The following GMDS variants were observed in gnomAD, a reference collection of about 807,000 sequenced individuals.
GMDS encodes the protein GDP-mannose 4,6-dehydratase, also known as GDP-mannose 4,6 dehydratase.
Under a neutral mutation model 49.9 loss-of-function variants are expected in GMDS, and 20 were observed. The observed-to-expected ratio is 0.40, with a 90% CI of 0.28 to 0.58. GMDS has a LOEUF of 0.58. Among genes scored for constraint, GMDS ranks in the 20% least tolerant of loss-of-function variants. GMDS has a pLI of 0.42. For missense variants in GMDS, 362 were observed against 481.4 expected (o/e 0.75, Z 2.32); for synonymous variants, 177 against 178.6 (o/e 0.99, Z 0.07).
chr6:2,152,300 A>T (rs951656030), intron 1 of GMDS, among the ~76,000 whole-genome samples: 1 of 152,206 alleles, frequency 6.6e-6, no homozygotes, highest in Non-Finnish European at 1.5e-5. Flanking sequence ...AAAAACGTAG[A>T]ATTTGTTACT....
chr6:2,129,617 G>A (rs1015028025), intron 1 of GMDS, among the ~76,000 whole-genome samples: 2 of 152,128 alleles, frequency 1.3e-5, no homozygotes, highest in African/African-American at 2.4e-5. Flanking sequence ...GAAAGCACTC[G>A]TTTGCACTGC....
chr6:2,019,979 C>A (rs182360839), intron 4 of GMDS, among the ~76,000 whole-genome samples: 1 of 152,232 alleles, frequency 6.6e-6, no homozygotes, highest in Non-Finnish European at 1.5e-5. Flanking sequence ...TTGCTTGATT[C>A]AATCTGTTAA....
chr6:1,959,162 T>C (rs1048868936), intron 6 of GMDS, among the ~76,000 whole-genome samples: 7 of 152,224 alleles, frequency 4.6e-5, no homozygotes, highest in African/African-American at 1.4e-4. Flanking sequence ...AATTCTAGTG[T>C]TCTGTGGAGT....
intron 1 of GMDS, among the ~76,000 whole-genome samples, chr6:2,143,655 C>T (rs1437833325): frequency 6.6e-6 from 1 of 152,132 alleles, no homozygotes; most frequent in Admixed American, 6.5e-5. Flanking sequence ...CAAGCAGTGG[C>T]CTCCCACTAC....
rs59425702 is a variant in GMDS, at chr6:2,141,891, T to TC, written c.103-17161_103-17160insG. Among the ~76,000 whole-genome samples the TC allele has an allele frequency of 5.2e-5, 7 of 135,816 alleles. No individual in the cohort carries two copies. The South Asian group carries it at 1.4e-3, about 28-fold the overall frequency. 89.1% of individuals were successfully genotyped at this position (135,816 alleles called of 152,430 possible). A position where few individuals can be genotyped will look rare whatever the true frequency, so the allele number is the denominator to read the frequency against. On this transcript the variant is annotated intron_variant, in intron 1 of 10. Coordinates refer to ENST00000380815, the MANE Select transcript of GMDS (RefSeq NM_001500.4). The stretch of plus-strand genomic sequence containing the variant: ...CTCTCTCTCTCTCTCTCTCTCTCTC[T>TC]TCTCTTTCTTCTCCCCCACAACACT...
chr6:1,910,314 GA>G (rs66496705), intron 7 of GMDS, among the ~76,000 whole-genome samples: 11,699 of 141,678 alleles, frequency 0.083, 523 homozygotes, highest in South Asian at 0.16. Flanking sequence ...AAATGAAACT[GA>G]AAAAAAAAAG....
chr6:2,207,638 C>G (rs1445557581), intron 1 of GMDS, among the ~76,000 whole-genome samples: 1 of 151,900 alleles, frequency 6.6e-6, no homozygotes, highest in Non-Finnish European at 1.5e-5. Context: ...CGGTTTTGTT[C>G]CTAGCACCTA....
At chr6:1,650,696 C>G (rs549084394) in intron 9 of GMDS, among the ~76,000 whole-genome samples, 36 of 152,306 alleles carry the variant, frequency 2.4e-4, no homozygotes, top group Middle Eastern at 3.4e-3. Flanking sequence ...CCACCTCAGC[C>G]TCTCGAGTAG....
chr6:1,895,222 A>T (rs1489619262), intron 7 of GMDS, among the ~76,000 whole-genome samples: 1 of 152,122 alleles, frequency 6.6e-6, no homozygotes, highest in Non-Finnish European at 1.5e-5. Flanking sequence ...TGCCCAGCTA[A>T]ACCTGCCTTC....
intron 4 of GMDS, among the ~76,000 whole-genome samples, chr6:2,022,918 T>C (rs1007900877): frequency 6.6e-6 from 1 of 152,200 alleles, no homozygotes; most frequent in African/African-American, 2.4e-5. Flanking sequence ...ATGTGTCTTT[T>C]AAGAATTGTG....
intron 7 of GMDS, among the ~76,000 whole-genome samples, chr6:1,877,809 T>A (rs1017284673): frequency 3.3e-5 from 5 of 152,112 alleles, no homozygotes; most frequent in African/African-American, 1.2e-4. Flanking sequence ...TCAGTGGAAT[T>A]TCACATTTTC....
At chr6:2,164,095 C>T (rs1176740609) in intron 1 of GMDS, among the ~76,000 whole-genome samples, 1 of 152,196 alleles carries the variant, frequency 6.6e-6, no homozygotes, top group Non-Finnish European at 1.5e-5. Flanking sequence ...CCTTTTGGTC[C>T]ATGGTTCAGC....
chr6:1,900,429 CAACTTT>C (rs112526033), intron 7 of GMDS, among the ~76,000 whole-genome samples: 2,041 of 152,276 alleles, frequency 0.013, 48 homozygotes, highest in African/African-American at 0.046. Context: ...ATAACCACTT[CAACTTT>C]AAGACCTAAG....
At chr6:2,126,102 G>A (rs1474792076) in intron 1 of GMDS, among the ~76,000 whole-genome samples, 2 of 152,148 alleles carry the variant, frequency 1.3e-5, no homozygotes. Context: ...GGGAAAGTAT[G>A]AGAGACATAT....
In GMDS at chr6:1,966,090, T is replaced by C. The variant is rs189137637; in HGVS notation, c.346-5124A>G. Among the ~76,000 whole-genome samples the C allele has an allele frequency of 3.9e-5, 6 of 152,248 alleles. No homozygotes were observed. The East Asian group carries it at 1.2e-3, about 29-fold the overall frequency. On this transcript the variant is annotated intron_variant, in intron 4 of 10. Transcript: ENST00000380815. ...CAGGCTTGAATAGCTGCAACAGAGT[T>C]ATTTCCCATGAAGCAGAAAATATTT...
At chr6:2,110,641 C>A (rs139836338) in intron 4 of GMDS, among the ~76,000 whole-genome samples, 2 of 152,112 alleles carry the variant, frequency 1.3e-5, no homozygotes, top group Non-Finnish European at 2.9e-5. Context: ...TAACTTGTCC[C>A]GCACAACTCT....
At position 1,999,330 on chromosome 6, in the gene GMDS, A is replaced by G. The variant is rs76066836; in HGVS notation, c.346-38364T>C. On this transcript the variant is annotated intron_variant, in intron 4 of 10. Coordinates refer to ENST00000380815, the MANE Select transcript of GMDS (RefSeq NM_001500.4). ...AGCGAGACTCTGTCTCAAAAAAAAAAAAAAAAAAAACTGCAGATAATGAAT... is the reference window on the plus strand; with the variant it reads ...AGCGAGACTCTGTCTCAAAAAAAAAGAAAAAAAAAACTGCAGATAATGAAT... Among the ~76,000 whole-genome samples the G allele has an allele frequency of 4.1e-3, 629 of 151,994 alleles. 9 individuals are homozygous for G. The highest frequency in any genetic ancestry group is 0.015 in the African/African-American group (607 of 41,464).
intron 7 of GMDS, among the ~76,000 whole-genome samples, chr6:1,838,248 A>C (rs1263799385): frequency 6.6e-6 from 1 of 152,332 alleles, no homozygotes; most frequent in East Asian, 1.9e-4. Flanking sequence ...TCCCTTTACA[A>C]CTAAGTGAAT....
At chr6:2,090,207 A>T (rs984732172) in intron 4 of GMDS, among the ~76,000 whole-genome samples, 1 of 152,230 alleles carries the variant, frequency 6.6e-6, no homozygotes, top group South Asian at 2.1e-4. Context: ...AATCTAGCCT[A>T]CCAAATTCCT....
Sources: gnomAD v4.1 joint callset for allele counts (sites outside exome capture counted in the v4.1 genomes callset) on GRCh38, gnomAD v4.1.1 for gene constraint, MANE v1.5 for transcripts, NCBI Gene and HGNC (gene_info 2026-07-23, HGNC 2026-07-21) for gene names.